ANAPC11: variants seen among roughly 807,000 people sequenced by gnomAD.
ANAPC11 encodes the protein anaphase promoting complex subunit 11, also known as anaphase-promoting complex subunit 11.
In ANAPC11, 5 loss-of-function variants were observed where a neutral mutation model predicts 11.8. The observed-to-expected ratio is 0.42, with a 90% confidence interval of 0.22 to 0.89. The LOEUF (loss-of-function observed/expected upper bound fraction) is 0.89, where lower values mean the gene tolerates loss of function less well. ANAPC11 is among the 40% of genes least tolerant of loss of function. The probability of loss-of-function intolerance (pLI) is 0.28; values close to 1 mark genes in which losing one functional copy is unlikely to be tolerated. For synonymous variants in ANAPC11, 45 were observed against 41.0 expected, an observed-to-expected ratio of 1.10 and a Z score of -0.38; for missense variants, 68 against 112.9, an observed-to-expected ratio of 0.60 and a Z score of 1.80.
upstream of ANAPC11, chr17:81,891,562 C>T (rs757332385): frequency 4.9e-6 from 7 of 1,437,600 alleles, no homozygotes; most frequent in South Asian, 5.1e-5. Context: ...TCGGCCATGG[C>T]GGGCGCGGAA....
intron 2 of ANAPC11, 42 bp downstream of exon 2, chr17:81,893,656 TCTC>T (rs1220757978): frequency 1.3e-5 from 2 of 152,016 alleles, no homozygotes; most frequent in East Asian, 1.9e-4. Context: ...CCAAATGTGA[TCTC>T]CTTGTCCGTA....
intron 3 of ANAPC11, among the ~76,000 whole-genome samples, chr17:81,896,235 A>C (rs563174695): frequency 2.8e-4 from 42 of 152,282 alleles, no homozygotes; most frequent in African/African-American, 9.6e-4. Flanking sequence ...AGCCTGGCCA[A>C]CATGGTAAAA....
upstream of ANAPC11, chr17:81,890,831 A>T (rs1456292689): frequency 3.1e-6 from 5 of 1,613,796 alleles, no homozygotes; most frequent in Non-Finnish European, 4.2e-6. Flanking sequence ...CTGAAAAAAA[A>T]ACCGCAACAA....
chr17:81,895,962 T>C (rs1198301169), intron 3 of ANAPC11, among the ~76,000 whole-genome samples: 2 of 152,048 alleles, frequency 1.3e-5, no homozygotes, highest in East Asian at 3.9e-4. Context: ...AAGATTAGTT[T>C]AAACTTTTTA....
chr17:81,895,056 T>TC (rs1248345527), intron 3 of ANAPC11, among the ~76,000 whole-genome samples: 1 of 138,838 alleles, frequency 7.2e-6, no homozygotes, highest in African/African-American at 2.7e-5. Context: ...TTTTCTTTTT[T>TC]TTTTTTTTTT....
chr17:81,899,210 A>G (rs376416519), intron 3 of ANAPC11: 9 of 1,599,812 alleles, frequency 5.6e-6, no homozygotes, highest in East Asian at 2.2e-5. Context: ...TCTCTTGATC[A>G]TGGCTGATAC....
chr17:81,895,532 C>T (rs1281056362), intron 3 of ANAPC11, among the ~76,000 whole-genome samples: 2 of 152,220 alleles, frequency 1.3e-5, no homozygotes, highest in African/African-American at 4.8e-5. Context: ...GAGATGGAGG[C>T]CGGCATGGCG....
intron 3 of ANAPC11, chr17:81,899,175 C>A: frequency 1.3e-6 from 2 of 1,502,726 alleles, no homozygotes; most frequent in Admixed American, 1.8e-5. Flanking sequence ...GGTTTCCAGG[C>A]TCTTGGAGAT....
upstream of ANAPC11, chr17:81,891,036 G>A (rs1425312715): frequency 1.4e-5 from 10 of 720,870 alleles, no homozygotes; most frequent in Non-Finnish European, 2.2e-5. Context: ...CTAACTTCCC[G>A]CCGCCTGTGC....
upstream of ANAPC11, chr17:81,891,414 T>G: frequency 1.9e-6 from 2 of 1,034,928 alleles, no homozygotes; most frequent in Non-Finnish European, 1.2e-6. Flanking sequence ...GCCGCCTCGA[T>G]TCACTCGCGC....
upstream of ANAPC11, chr17:81,891,293 C>G (rs1274217206): frequency 3.5e-6 from 4 of 1,127,434 alleles, no homozygotes; most frequent in African/African-American, 1.7e-5. Context: ...CCCCCTCCCA[C>G]TCTCCGGCGC....
upstream of ANAPC11, chr17:81,890,862 G>A (rs1340305126): frequency 3.1e-6 from 5 of 1,613,502 alleles, no homozygotes; most frequent in Non-Finnish European, 4.2e-6. Context: ...GTGAGTCTCA[G>A]TCCAGGGCTT....
intron 3 of ANAPC11, among the ~76,000 whole-genome samples, chr17:81,897,855 T>A (rs540377566): frequency 6.6e-6 from 1 of 152,250 alleles, no homozygotes; most frequent in Non-Finnish European, 1.5e-5. Context: ...GGTCTCAAAC[T>A]CTTGGCTCTG....
At chr17:81,895,129 A>C (rs535362663) in intron 3 of ANAPC11, among the ~76,000 whole-genome samples, 1 of 125,670 alleles carries the variant, frequency 8.0e-6, no homozygotes, top group African/African-American at 3.2e-5. Context: ...ATCTCGGCTC[A>C]CTGCAACCTC....
intron 3 of ANAPC11, among the ~76,000 whole-genome samples, chr17:81,897,657 T>A (rs1026987025): frequency 1.3e-5 from 2 of 152,130 alleles, no homozygotes; most frequent in African/African-American, 4.8e-5. Flanking sequence ...TTTATTTTTT[T>A]ATTTTTTGTA....
chr17:81,899,736 C>T, intron 3 of ANAPC11, 184 bp from the exon 4 acceptor site: 1 of 962,814 alleles, frequency 1.0e-6, no homozygotes. Context: ...CTGGTCTTCG[C>T]CTGGGGGCGG....
intron 3 of ANAPC11, among the ~76,000 whole-genome samples, chr17:81,897,665 G>A (rs1032609181): frequency 2.4e-4 from 37 of 151,874 alleles, no homozygotes; most frequent in Admixed American, 2.4e-3. Context: ...TTTATTTTTT[G>A]TAGAGACAGG....
chr17:81,890,897 A>C, upstream of ANAPC11: 1 of 1,592,358 alleles, frequency 6.3e-7, no homozygotes, highest in African/African-American at 1.4e-5. Flanking sequence ...GCTACTCCGG[A>C]CCCTTCCTCT....
Position 81,894,507 on chromosome 17 carries a change from C to T in ANAPC11, c.30C>T (p.Gly10=), listed in dbSNP as rs1056904857. 17 of 1,613,012 alleles carry T rather than the reference C, an allele frequency of 1.1e-5. No individual in the cohort carries two copies. The highest frequency in any genetic ancestry group is 1.7e-5 in the Admixed American group (1 of 59,972). The change falls in exon 3 of 4, where the codon GGC becomes GGT. Residue 10 remains glycine, a synonymous_variant. Transcript: ENST00000344877. MKVKIKCWN[G]VATWLWVAND... is the part of the protein sequence containing the mutation. ...AGGTGAAGATTAAGTGCTGGAACGGCGTGGCCACTTGGCTCTGGGTGGCCA... is the reference window on the plus strand; with the variant it reads ...AGGTGAAGATTAAGTGCTGGAACGGTGTGGCCACTTGGCTCTGGGTGGCCA...
Sources: gnomAD v4.1 joint callset for allele counts (sites outside exome capture counted in the v4.1 genomes callset) on GRCh38, gnomAD v4.1.1 for gene constraint, MANE v1.5 for transcripts, NCBI Gene and HGNC (gene_info 2026-07-23, HGNC 2026-07-21) for gene names.